ATPAF2: variants seen among roughly 807,000 people sequenced by gnomAD.
The protein encoded by ATPAF2 is ATP synthase mitochondrial F1 complex assembly factor 2, also known as ATP12 homolog.
Under a neutral mutation model 36.6 loss-of-function variants are expected in ATPAF2, and 30 were observed. The ratio of observed to expected loss-of-function variants is 0.82; its 90% CI spans 0.61 to 1.11. The LOEUF (loss-of-function observed/expected upper bound fraction) is 1.11, where lower values mean the gene tolerates loss of function less well. Ranked by LOEUF, ATPAF2 falls within the 50% of genes most tolerant of loss-of-function variation. The probability of loss-of-function intolerance (pLI) is 0.00; values close to 1 mark genes in which losing one functional copy is unlikely to be tolerated. For synonymous variants in ATPAF2, 140 were observed against 152.6 expected (o/e 0.92, Z 0.61); for missense variants, 321 against 372.3 (o/e 0.86, Z 1.13).
intron 4 of ATPAF2, chr17:18,025,163 C>T (rs1207630721): frequency 6.6e-6 from 2 of 301,982 alleles, no homozygotes. Flanking sequence ...GATGCTCAGT[C>T]TTTGCATCTC....
At chr17:18,028,005 G>A (rs1241492105) in intron 3 of ATPAF2, 1 of 589,600 alleles carries the variant, frequency 1.7e-6, no homozygotes, top group Non-Finnish European at 3.0e-6. Context: ...TGAAACCAAA[G>A]GAGAAACCAG....
chr17:18,026,146 G>A (rs760140322), intron 4 of ATPAF2, 173 bp downstream of exon 4: 60 of 700,490 alleles, frequency 8.6e-5, no homozygotes, highest in Non-Finnish European at 8.6e-5. Context: ...ATTGTAGCCC[G>A]AGGAGTCCTC....
At chr17:18,023,240 G>A (rs924995124) in intron 5 of ATPAF2, among the ~76,000 whole-genome samples, 1 of 151,836 alleles carries the variant, frequency 6.6e-6, no homozygotes, top group African/African-American at 2.4e-5. Flanking sequence ...AGACCAGCCT[G>A]GCCAACATGG....
chr17:18,037,178 C>A (rs2044714325), intron 1 of ATPAF2, among the ~76,000 whole-genome samples: 1 of 152,214 alleles, frequency 6.6e-6, no homozygotes, highest in Non-Finnish European at 1.5e-5. Flanking sequence ...CCCTGGGATG[C>A]CCTTCCTTTC....
intron 1 of ATPAF2, among the ~76,000 whole-genome samples, chr17:18,036,346 A>T (rs993819390): frequency 4.6e-5 from 7 of 151,870 alleles, no homozygotes; most frequent in Non-Finnish European, 7.4e-5. Context: ...AAGGCTGAGG[A>T]GGGTGGATCA....
downstream of ATPAF2, chr17:18,016,010 G>A: frequency 1.3e-6 from 2 of 1,595,316 alleles, no homozygotes; most frequent in African/African-American, 2.7e-5. Flanking sequence ...AGCTCCCTTT[G>A]TGTTCACGGT....
intron 5 of ATPAF2, 116 bp downstream of exon 5, chr17:18,024,508 G>T: frequency 1.1e-6 from 1 of 877,630 alleles, no homozygotes; most frequent in Non-Finnish European, 1.9e-6. Context: ...CGAGTGCTCT[G>T]AAATCAGAAA....
chr17:18,027,399 C>T (rs188424037), intron 3 of ATPAF2, among the ~76,000 whole-genome samples: 19 of 152,188 alleles, frequency 1.2e-4, no homozygotes, highest in Admixed American at 3.3e-4. Context: ...AAAGGTTGAG[C>T]ACAGCAGCGG....
At chr17:18,030,662 TC>T in intron 1 of ATPAF2, among the ~76,000 whole-genome samples, 1 of 150,218 alleles carries the variant, frequency 6.7e-6, no homozygotes, top group Non-Finnish European at 1.5e-5. Flanking sequence ...ATATTTTTTT[TC>T]TTTTTCTTTT....
chr17:18,032,855 GGCAGA>G (rs2044656075), intron 1 of ATPAF2, among the ~76,000 whole-genome samples: 1 of 124,064 alleles, frequency 8.1e-6, no homozygotes, highest in African/African-American at 3.2e-5. Flanking sequence ...TTTTTTTTTT[GGCAGA>G]GCAGGGCTGT....
In ATPAF2 at chr17:18,024,702, T is replaced by TA. The variant is rs2044520443; in HGVS notation, c.424dup (p.Tyr142LeufsTer16). 1 of 1,612,282 alleles carries TA rather than the reference T, an allele frequency of 6.2e-7. No individual in the cohort carries two copies. Among genetic ancestry groups the TA allele is most frequent in the African/African-American group, 1.3e-5 (1 of 74,874 alleles). On this transcript the variant is annotated frameshift_variant and splice_region_variant, in exon 5 of 8. Coordinates refer to ENST00000474627, the MANE Select transcript of ATPAF2 (RefSeq NM_145691.4). LOFTEE classifies it high-confidence loss of function. ...TAATGTCTCGGGCTCCTCCACCCTG[T>TA]AGCTAATTCATTGTAAAAATAACCT...
chr17:18,019,185 A>ACC (rs1491115894), intron 7 of ATPAF2, among the ~76,000 whole-genome samples: 4 of 146,358 alleles, frequency 2.7e-5, no homozygotes, highest in South Asian at 2.2e-4. Context: ...ACACACACAC[A>ACC]CCCCACCACC....
At chr17:18,031,084 T>C (rs1476691075) in intron 1 of ATPAF2, among the ~76,000 whole-genome samples, 1 of 149,900 alleles carries the variant, frequency 6.7e-6, no homozygotes, top group Non-Finnish European at 1.5e-5. Context: ...ACCATTCTCC[T>C]GCCTCAGCCT....
chr17:18,030,180 G>C (rs2044606668), intron 1 of ATPAF2, among the ~76,000 whole-genome samples: 1 of 151,884 alleles, frequency 6.6e-6, no homozygotes, highest in Non-Finnish European at 1.5e-5. Context: ...AATTAGCCAG[G>C]TGTGGTGGCA....
chr17:18,038,948 G>T lies in ATPAF2; in HGVS notation c.66C>A (p.Gly22=), dbSNP rs373256527. The T allele has an allele frequency of 6.3e-7, 1 of 1,579,552 alleles. No homozygotes were observed. The highest frequency in any genetic ancestry group is 2.4e-5 in the East Asian group (1 of 41,922). Residue 22 remains glycine (G), a synonymous_variant, in exon 1 of 8, where the codon GGC becomes GGA. Transcript: ENST00000474627. ...GCCCCGGACTCATAGAAGCGCTGGG[G>T]CCACCCGCCGGCCGATTCAGGAGAC... ...GRRLLNRPAG[G]PSASMSPGPT...
In ATPAF2 at chr17:18,018,711, C is replaced by A. The variant is rs1248223037; in HGVS notation, c.733-25G>T. The A allele has an allele frequency of 3.1e-6, 5 of 1,613,796 alleles. No homozygotes were observed. The South Asian group carries it at 5.5e-5, about 18-fold the overall frequency. ...TCTGAGGGAAGGACAAGACAAGTTG[C>A]TGGGTGAGTGGCCAGTGCCTGGCTG... On this transcript the variant is annotated intron_variant, in intron 7 of 7. Coordinates refer to ENST00000474627, the MANE Select transcript of ATPAF2 (RefSeq NM_145691.4).
chr17:18,030,669 CTTTTTTT>C (rs545874481), intron 1 of ATPAF2, among the ~76,000 whole-genome samples: 2 of 136,024 alleles, frequency 1.5e-5, no homozygotes, highest in African/African-American at 2.7e-5. Context: ...TTTTCTTTTT[CTTTTTTT>C]TTTTTTTTTG....
intron 5 of ATPAF2, among the ~76,000 whole-genome samples, chr17:18,022,440 C>G (rs2044482452): frequency 6.6e-6 from 1 of 152,036 alleles, no homozygotes; most frequent in African/African-American, 2.4e-5. Flanking sequence ...TGCCACCACA[C>G]CTAGCTAATT....
intron 1 of ATPAF2, among the ~76,000 whole-genome samples, chr17:18,034,541 C>T (rs763910063): frequency 3.3e-5 from 5 of 152,072 alleles, no homozygotes; most frequent in African/African-American, 9.7e-5. Context: ...AATGAGATAC[C>T]ACTTCAAACC....
Sources: allele counts gnomAD v4.1 joint callset (sites outside exome capture counted in the v4.1 genomes callset), GRCh38; gene constraint gnomAD v4.1.1; transcripts MANE v1.5; gene names NCBI Gene and HGNC (gene_info 2026-07-23, HGNC 2026-07-21).